The following MYCBP2 variants were observed in gnomAD, a reference collection of about 807,000 sequenced individuals.
The protein encoded by MYCBP2 is MYC binding protein 2.
In MYCBP2, 120 loss-of-function variants were observed where a neutral mutation model predicts 525.3. The ratio of observed to expected loss-of-function variants is 0.23; its 90% CI spans 0.20 to 0.27. The LOEUF (loss-of-function observed/expected upper bound fraction) is 0.27, where lower values mean the gene tolerates loss of function less well. Ranked by LOEUF, MYCBP2 falls within the 10% of genes least tolerant of loss-of-function variation. The pLI, the probability that MYCBP2 is intolerant of heterozygous loss-of-function variation, is 1.00. For synonymous variants in MYCBP2, 1,894 were observed against 1,955.8 expected (o/e 0.97, Z 0.83); for missense variants, 4,149 against 5,657.1 (o/e 0.73, Z 8.55).
At position 77,099,099 on chromosome 13, in the gene MYCBP2, ATAGC is replaced by A. The variant is rs763682561; in HGVS notation, c.8141-90_8141-87del. The A allele has an allele frequency of 2.1e-5, 32 of 1,510,028 alleles. No individual in the cohort carries two copies. In the African/African-American group the frequency reaches 3.9e-4, roughly 18 times the overall value. The allele number at this position is 1,510,028 out of a possible 1,614,324, so 93.5% of individuals were successfully genotyped here. A position where few individuals can be genotyped will look rare whatever the true frequency, so the allele number is the denominator to read the frequency against. On this transcript the variant is annotated intron_variant, in intron 55 of 82. Transcript: ENST00000544440. ...CCACTAAACACTGAAATAAAAAAACATAGCTACAAAATTTATATTGTTTGTCATA... is the reference window on the plus strand; with the variant it reads ...CCACTAAACACTGAAATAAAAAAACATACAAAATTTATATTGTTTGTCATA...
At chr13:77,102,427 G>C (rs1346392637) in intron 55 of MYCBP2, among the ~76,000 whole-genome samples, 1 of 151,388 alleles carries the variant, frequency 6.6e-6, no homozygotes, top group Non-Finnish European at 1.5e-5. Context: ...CAATATGTTA[G>C]GCATTGCTGT....
chr13:77,153,039 T>G (rs1362492718), intron 46 of MYCBP2, among the ~76,000 whole-genome samples: 2 of 126,720 alleles, frequency 1.6e-5, no homozygotes, highest in African/African-American at 6.3e-5. Flanking sequence ...TACTCCAGCC[T>G]GGGCGACAGA....
chr13:77,207,456 A>AG (rs1205319053), intron 23 of MYCBP2, among the ~76,000 whole-genome samples: 1 of 152,142 alleles, frequency 6.6e-6, no homozygotes, highest in Non-Finnish European at 1.5e-5. Context: ...TCGGGAAGTG[A>AG]GGGATGCAAG....
chr13:77,093,809 G>A (rs1317511001), intron 58 of MYCBP2, among the ~76,000 whole-genome samples: 1 of 151,920 alleles, frequency 6.6e-6, no homozygotes, highest in Non-Finnish European at 1.5e-5. Flanking sequence ...TTTTTGGGTA[G>A]GAACATACAT....
intron 30 of MYCBP2, among the ~76,000 whole-genome samples, chr13:77,186,485 G>T (rs970313880): frequency 2.6e-5 from 4 of 152,064 alleles, no homozygotes; most frequent in African/African-American, 9.7e-5. Context: ...TAGAGTTTTA[G>T]TGTTAGATAT....
At chr13:77,319,690 C>T (rs2081364559) in intron 1 of MYCBP2, among the ~76,000 whole-genome samples, 1 of 152,186 alleles carries the variant, frequency 6.6e-6, no homozygotes, top group South Asian at 2.1e-4. Context: ...GCATTCCCTT[C>T]AACAGGAATA....
chr13:77,213,212 C>A (rs954384971), intron 21 of MYCBP2, among the ~76,000 whole-genome samples: 1 of 152,200 alleles, frequency 6.6e-6, no homozygotes, highest in African/African-American at 2.4e-5. Flanking sequence ...CAGTAGCTCA[C>A]GCCTGTAATC....
intron 19 of MYCBP2, among the ~76,000 whole-genome samples, 163 bp from the exon 20 acceptor site, chr13:77,224,695 T>C (rs2066018590): frequency 6.6e-6 from 1 of 152,196 alleles, no homozygotes; most frequent in Non-Finnish European, 1.5e-5. Flanking sequence ...TTAATTTTAG[T>C]TCTGAAAAAT....
intron 3 of MYCBP2, among the ~76,000 whole-genome samples, chr13:77,285,996 T>C (rs2076717668): frequency 6.6e-6 from 1 of 152,118 alleles, no homozygotes; most frequent in African/African-American, 2.4e-5. Flanking sequence ...GGTCCCACTC[T>C]AAAACAGGAG....
rs150848293 is a variant in MYCBP2, at chr13:77,237,831, A to C, written c.2630-4568T>G. On this transcript the variant is annotated intron_variant, in intron 17 of 82. Coordinates refer to ENST00000544440, the MANE Select transcript of MYCBP2 (RefSeq NM_015057.5). ...TATTTTTTCTTACTTATACTCTCTA[A>C]ATTCTTCATATAATACTTTAATTTA... Among the ~76,000 whole-genome samples, 846 of 152,252 alleles carry C rather than the reference A, an allele frequency of 5.6e-3. 5 individuals carry two copies. The highest frequency in any genetic ancestry group is 0.019 in the African/African-American group (787 of 41,548).
At chr13:77,135,382 G>C (rs1408246890) in intron 52 of MYCBP2, among the ~76,000 whole-genome samples, 1 of 152,206 alleles carries the variant, frequency 6.6e-6, no homozygotes, top group Non-Finnish European at 1.5e-5. Flanking sequence ...GAGGCAGCAA[G>C]ATGCAACTAT....
At position 77,171,558 on chromosome 13, in the gene MYCBP2, A is replaced by G. The variant is rs2154227162; in HGVS notation, c.5728T>C (p.Leu1910=). The G allele has an allele frequency of 6.2e-7, 1 of 1,614,106 alleles. No homozygotes were observed. The highest frequency in any genetic ancestry group is 2.2e-5 in the East Asian group (1 of 44,874). ...NEEDKNCSRA[L]SVVSTVVRAS... is the part of the protein sequence containing the mutation. ...CGAACGACAGTGCTTACAACAGACA[A>G]TGCTCTGCTACAGTTTTTATCTTCT... is the stretch of plus-strand genomic sequence containing the variant. Residue 1910 remains leucine, a synonymous_variant, in exon 38 of 83, where the codon TTG becomes CTG. Coordinates refer to ENST00000544440, the MANE Select transcript of MYCBP2 (RefSeq NM_015057.5).
chr13:77,192,173 T>C (rs1208291284), intron 27 of MYCBP2, among the ~76,000 whole-genome samples: 1 of 152,218 alleles, frequency 6.6e-6, no homozygotes, highest in Non-Finnish European at 1.5e-5. Flanking sequence ...TTCAGCTAAA[T>C]AGTTTTGAAA....
rs191012788 is a variant in MYCBP2, at chr13:77,053,562, T to G, written c.13648-1644A>C. Among the ~76,000 whole-genome samples the G allele has an allele frequency of 2.0e-5, 3 of 152,370 alleles. No homozygotes were observed. In the East Asian group the frequency reaches 5.8e-4, roughly 29 times the overall value. ...TGTCTTGGGGACTGCTTACTCCAGC[T>G]GTTTCACTTTTCTATATCCTCTGCT... On this transcript the variant is annotated intron_variant, in intron 80 of 82. Transcript: ENST00000544440.
Position 77,205,587 on chromosome 13 carries a change from T to G in MYCBP2, c.3601A>C (p.Thr1201Pro). Residue 1201 changes from threonine to proline, a missense_variant, in exon 25 of 83, where the codon ACC (threonine) becomes CCC (proline). Thr to Pro is a conservative substitution (Grantham distance 38). Around this residue, in one of 21 missense-constraint regions of MYCBP2, gnomAD observed 620 missense variants for 795.5 expected, o/e 0.78. Transcript: ENST00000544440. ...TTTAAGTCCTGCATAGCTGCCAAGGTATCAAGACAACCTAAAACAACAAAG... is the reference window on the plus strand; with the variant it reads ...TTTAAGTCCTGCATAGCTGCCAAGGGATCAAGACAACCTAAAACAACAAAG... ...AALHILGCLD[T>P]LAAMQDLKMG... 1 of 1,611,096 alleles carries G rather than the reference T, an allele frequency of 6.2e-7. No homozygotes were observed. The highest frequency in any genetic ancestry group is 8.5e-7 in the Non-Finnish European group (1 of 1,179,168).
chr13:77,078,978 A>G, intron 65 of MYCBP2, 89 bp from the exon 66 acceptor site: 3 of 1,052,680 alleles, frequency 2.8e-6, no homozygotes, highest in Non-Finnish European at 4.4e-6. Context: ...TACCACATCA[A>G]CTCTTCTGCC....
At chr13:77,085,093 G>C (rs1363281121) in intron 62 of MYCBP2, among the ~76,000 whole-genome samples, 1 of 151,878 alleles carries the variant, frequency 6.6e-6, no homozygotes, top group Non-Finnish European at 1.5e-5. Flanking sequence ...GCTGACACTG[G>C]CTGTTTCATC....
At chr13:77,185,491 T>G in intron 31 of MYCBP2, 114 bp from the exon 32 acceptor site, 1 of 1,127,706 alleles carries the variant, frequency 8.9e-7, no homozygotes, top group Non-Finnish European at 1.2e-6. Flanking sequence ...TACTAATATC[T>G]TAGAAATGAA....
chr13:77,131,125 T>C (rs1324687227), intron 52 of MYCBP2, among the ~76,000 whole-genome samples: 1 of 152,180 alleles, frequency 6.6e-6, no homozygotes, highest in East Asian at 1.9e-4. Context: ...TTCACACTGG[T>C]TTACCCTAAG....
Sources: gnomAD v4.1 joint callset for allele counts (sites outside exome capture counted in the v4.1 genomes callset) on GRCh38, gnomAD v4.1.1 for gene constraint, gnomAD v4.1.1 regional missense constraint, MANE v1.5 for transcripts, NCBI Gene and HGNC (gene_info 2026-07-23, HGNC 2026-07-21) for gene names.